ANGPT1: variants seen among roughly 807,000 people sequenced by gnomAD.
The protein encoded by ANGPT1 is angiopoietin 1, also known as angiopoietin-1.
In ANGPT1, 17 loss-of-function variants were observed where a neutral mutation model predicts 62.2. That is an observed-to-expected ratio of 0.27 (90% confidence interval 0.19 to 0.41). ANGPT1 has a LOEUF of 0.41. Among genes scored for constraint, ANGPT1 ranks in the 10% least tolerant of loss-of-function variants. The pLI, the probability that ANGPT1 is intolerant of heterozygous loss-of-function variation, is 1.00. For synonymous variants in ANGPT1, 199 were observed against 198.9 expected (o/e 1.00, Z 0.00); for missense variants, 478 against 594.9 (o/e 0.80, Z 2.04).
chr8:107,408,196 T>G (rs1469203174), intron 1 of ANGPT1, among the ~76,000 whole-genome samples: 1 of 152,180 alleles, frequency 6.6e-6, no homozygotes, highest in Non-Finnish European at 1.5e-5. Context: ...AAAATGTGCT[T>G]TCAGAGGTGT....
intron 4 of ANGPT1, among the ~76,000 whole-genome samples, chr8:107,315,428 TA>T: frequency 6.6e-6 from 1 of 152,286 alleles, no homozygotes; most frequent in Non-Finnish European, 1.5e-5. Context: ...TGATTTCTGT[TA>T]ACTTCCTCTC....
chr8:107,254,511 C>A (rs1171592679), intron 8 of ANGPT1, among the ~76,000 whole-genome samples: 1 of 151,900 alleles, frequency 6.6e-6, no homozygotes, highest in Non-Finnish European at 1.5e-5. Flanking sequence ...CTTAAAATGT[C>A]ATGAAGAAAA....
chr8:107,354,091 G>C (rs557561225), intron 1 of ANGPT1, among the ~76,000 whole-genome samples: 1 of 152,110 alleles, frequency 6.6e-6, no homozygotes, highest in Non-Finnish European at 1.5e-5. Flanking sequence ...GCTGCTGAAA[G>C]TTGCCAAAGT....
Position 107,413,942 on chromosome 8 carries a change from C to T in ANGPT1, c.298-66845G>A, listed in dbSNP as rs1027916664. ...TTGGCTAGATGTGGTGAATGCTCAC[C>T]AGTTATTGGGAAAGGAAACATAGGA... On this transcript the variant is annotated intron_variant, in intron 1 of 8. Transcript: ENST00000517746. Among the ~76,000 whole-genome samples, 77 of 151,994 alleles carry T rather than the reference C, an allele frequency of 5.1e-4. 1 individual carries two copies. Among genetic ancestry groups the T allele is most frequent in the Admixed American group, 4.6e-3 (70 of 15,248 alleles).
At chr8:107,432,673 A>G (rs1424325084) in intron 1 of ANGPT1, among the ~76,000 whole-genome samples, 1 of 152,152 alleles carries the variant, frequency 6.6e-6, no homozygotes, top group African/African-American at 2.4e-5. Flanking sequence ...CAAAAAAAAA[A>G]AAAAAAAGTC....
chr8:107,283,327 A>C (rs1814060822), intron 7 of ANGPT1, among the ~76,000 whole-genome samples: 1 of 152,214 alleles, frequency 6.6e-6, no homozygotes, highest in Non-Finnish European at 1.5e-5. Flanking sequence ...GCTGCCATTA[A>C]GTACACCCTC....
intron 7 of ANGPT1, 89 bp downstream of exon 7, chr8:107,284,593 T>G: frequency 8.4e-7 from 1 of 1,187,154 alleles, no homozygotes; most frequent in Non-Finnish European, 1.1e-6. Context: ...TGAAGGATGA[T>G]TTTCATTTCT....
chr8:107,392,880 G>A (rs1245713466), intron 1 of ANGPT1, among the ~76,000 whole-genome samples: 1 of 152,098 alleles, frequency 6.6e-6, no homozygotes, highest in East Asian at 1.9e-4. Context: ...CGCCACCTTT[G>A]CCATATATGA....
chr8:107,480,192 T>C (rs1019745717), intron 1 of ANGPT1, among the ~76,000 whole-genome samples: 1 of 152,128 alleles, frequency 6.6e-6, no homozygotes, highest in Non-Finnish European at 1.5e-5. Context: ...AAGGGGAGTC[T>C]TCAAAAAGCT....
At chr8:107,375,741 C>A (rs1368369295) in intron 1 of ANGPT1, among the ~76,000 whole-genome samples, 1 of 152,074 alleles carries the variant, frequency 6.6e-6, no homozygotes, top group African/African-American at 2.4e-5. Flanking sequence ...AGGAAAGTAC[C>A]AGCAACAAGA....
At chr8:107,321,625 A>T (rs1815151272) in intron 4 of ANGPT1, among the ~76,000 whole-genome samples, 1 of 152,152 alleles carries the variant, frequency 6.6e-6, no homozygotes, top group Admixed American at 6.6e-5. Context: ...AGTATCACAG[A>T]TTTTATCTAA....
At chr8:107,476,427 G>A (rs1339321937) in intron 1 of ANGPT1, among the ~76,000 whole-genome samples, 1 of 152,054 alleles carries the variant, frequency 6.6e-6, no homozygotes, top group Non-Finnish European at 1.5e-5. Context: ...ACACACCAGG[G>A]CCTGTCATGG....
chr8:107,402,271 CT>C (rs1394642409), intron 1 of ANGPT1, among the ~76,000 whole-genome samples: 1 of 152,162 alleles, frequency 6.6e-6, no homozygotes, highest in Non-Finnish European at 1.5e-5. Context: ...AAAGTCCACA[CT>C]GACTCATCAC....
intron 6 of ANGPT1, among the ~76,000 whole-genome samples, chr8:107,291,898 G>A (rs943704346): frequency 3.4e-5 from 5 of 146,094 alleles, no homozygotes; most frequent in Non-Finnish European, 7.6e-5. Flanking sequence ...AGATGGGGGG[G>A]GGGGGGGGCT....
At chr8:107,388,863 G>A (rs1238782043) in intron 1 of ANGPT1, among the ~76,000 whole-genome samples, 1 of 152,106 alleles carries the variant, frequency 6.6e-6, no homozygotes, top group Non-Finnish European at 1.5e-5. Flanking sequence ...TAATTTCTTT[G>A]ATATGAAATA....
rs1813218010 is a variant in ANGPT1, at chr8:107,250,188, G to C, written c.*1667C>G. On this transcript the variant is annotated 3_prime_UTR_variant, in exon 9 of 9. Coordinates refer to ENST00000517746, the MANE Select transcript of ANGPT1 (RefSeq NM_001146.5). ...ACAACTGTCTCTTTTATGAGAGGAG[G>C]CCCAGTAGCTTTATTTCAATTTTCT... The C allele has an allele frequency of 6.6e-6, 1 of 152,194 alleles. No homozygotes were observed. Among genetic ancestry groups the C allele is most frequent in the East Asian group, 1.9e-4 (1 of 5,182 alleles). The allele number at this position is 152,194 out of a possible 1,614,324, so 9.4% of individuals were successfully genotyped here.
intron 1 of ANGPT1, among the ~76,000 whole-genome samples, chr8:107,459,707 T>C (rs1437494404): frequency 6.6e-6 from 1 of 151,106 alleles, no homozygotes; most frequent in African/African-American, 2.4e-5. Context: ...TCCAACATGT[T>C]TGCATAAAAT....
intron 7 of ANGPT1, among the ~76,000 whole-genome samples, chr8:107,273,699 T>G (rs1442859528): frequency 6.6e-6 from 1 of 151,946 alleles, no homozygotes; most frequent in Non-Finnish European, 1.5e-5. Context: ...TCTCTAAGGA[T>G]TTCCTCTATG....
At chr8:107,385,686 G>C (rs571724709) in intron 1 of ANGPT1, among the ~76,000 whole-genome samples, 1 of 152,066 alleles carries the variant, frequency 6.6e-6, no homozygotes, top group South Asian at 2.1e-4. Flanking sequence ...GGATGGTGAA[G>C]GTGAACATCC....
Sources: gnomAD v4.1 joint callset for allele counts (sites outside exome capture counted in the v4.1 genomes callset) on GRCh38, gnomAD v4.1.1 for gene constraint, MANE v1.5 for transcripts, NCBI Gene and HGNC (gene_info 2026-07-23, HGNC 2026-07-21) for gene names.